PCDHGA10: variants seen among roughly 807,000 people sequenced by gnomAD.
PCDHGA10 encodes the protein protocadherin gamma subfamily A, 10, also known as protocadherin gamma-A10.
PCDHGA10 carries 42 observed loss-of-function variants against 59.5 expected under a neutral mutation model. That is an observed-to-expected ratio of 0.71 (90% CI 0.55 to 0.91). PCDHGA10 has a LOEUF of 0.91. Among genes scored for constraint, PCDHGA10 ranks in the 40% least tolerant of loss-of-function variants. The pLI, the probability that PCDHGA10 is intolerant of heterozygous loss-of-function variation, is 0.00. For missense variants in PCDHGA10, 1,111 were observed against 1,198.2 expected (o/e 0.93, Z 1.07); for synonymous variants, 511 against 517.2 (o/e 0.99, Z 0.16).
intron 1 of PCDHGA10, chr5:141,478,713 G>A (rs745990290): frequency 1.9e-6 from 3 of 1,546,642 alleles, no homozygotes; most frequent in African/African-American, 2.7e-5. Context: ...TTGTGAGATG[G>A]TGGCCTGCCA....
chr5:141,478,560 A>G, intron 1 of PCDHGA10: 1 of 1,598,736 alleles, frequency 6.3e-7, no homozygotes, highest in Non-Finnish European at 8.5e-7. Flanking sequence ...AGGTTTAGCA[A>G]GTCATGCTTG....
chr5:141,491,284 A>C lies in PCDHGA10; in HGVS notation c.2437-3523A>C. ...AATGCCCAAATCCAGTGACTTCCTC[A>C]TACACCCTCCTGAGCGTTCAGACCT... On this transcript the variant is annotated intron_variant, in intron 1 of 3. Transcript: ENST00000398610. The surrounding 1 kb of genome is among the most constrained non-coding windows in gnomAD (Gnocchi z 6.9). 1.2e-6 allele frequency: 2 copies of C among 1,614,128 alleles called. No homozygotes were observed. The highest frequency in any genetic ancestry group is 1.7e-6 in the Non-Finnish European group (2 of 1,179,978).
At chr5:141,484,873 G>A (rs754469397) in intron 1 of PCDHGA10, 50 of 322,006 alleles carry the variant, frequency 1.6e-4, no homozygotes, top group Non-Finnish European at 2.5e-4. Flanking sequence ...GAGCGTGGAG[G>A]ATAGGGTGGG....
intron 1 of PCDHGA10, among the ~76,000 whole-genome samples, chr5:141,481,676 G>A (rs975849679): frequency 3.3e-5 from 5 of 152,028 alleles, no homozygotes; most frequent in Admixed American, 1.3e-4. Flanking sequence ...AAATCAGGCC[G>A]GGCCTGGTGG....
At position 141,486,367 on chromosome 5, in the gene PCDHGA10, G is replaced by A; in HGVS notation, c.2437-8440G>A. On this transcript the variant is annotated intron_variant, in intron 1 of 3. Coordinates refer to ENST00000398610, the MANE Select transcript of PCDHGA10 (RefSeq NM_018913.3). This position sits in a 1 kb window ranked among gnomAD's most constrained non-coding sequence, Gnocchi z 5.0. Reference sequence around the variant, plus strand: ...CTGACCACTTGCCATTTGCCCTCAAGTCTGCCTTCAGGAACCAGTTCTCCC... The same window carrying A: ...CTGACCACTTGCCATTTGCCCTCAAATCTGCCTTCAGGAACCAGTTCTCCC... 1 of 1,614,148 alleles carries A rather than the reference G, an allele frequency of 6.2e-7. No individual in the cohort carries two copies. Among genetic ancestry groups the A allele is most frequent in the Non-Finnish European group, 8.5e-7 (1 of 1,180,022 alleles).
At chr5:141,505,347 T>C in intron 2 of PCDHGA10, 46 bp from the exon 3 acceptor site, 4 of 1,613,346 alleles carry the variant, frequency 2.5e-6, no homozygotes, top group Non-Finnish European at 2.5e-6. Context: ...GGGCATGAGC[T>C]GTGCCGGCCT....
chr5:141,474,608 T>G (rs1469173973), intron 1 of PCDHGA10, among the ~76,000 whole-genome samples: 1 of 152,268 alleles, frequency 6.6e-6, no homozygotes, highest in Non-Finnish European at 1.5e-5. Flanking sequence ...AGGTCACATA[T>G]GGCTTTTCAT....
In PCDHGA10 at chr5:141,413,430, C is replaced by T. The variant is rs745782366; in HGVS notation, c.255C>T (p.Ser85=). Reference sequence around the variant, plus strand: ...AGCTTTTCTCTCTGAACCCGCGCAGCGGCAGCTTGATCACCGCGGGCAGGA... The same window carrying T: ...AGCTTTTCTCTCTGAACCCGCGCAGTGGCAGCTTGATCACCGCGGGCAGGA... ...RTQLFSLNPR[S]GSLITAGRID... is the part of the protein sequence containing the mutation. The change falls in exon 1 of 4, where the codon AGC becomes AGT. Residue 85 remains serine (S), a synonymous_variant. Transcript: ENST00000398610. 6.2e-7 allele frequency: 1 copy of T among 1,614,078 alleles called. No individual in the cohort carries two copies. Among genetic ancestry groups the T allele is most frequent in the Admixed American group, 1.7e-5 (1 of 60,032 alleles).
At position 141,432,395 on chromosome 5, in the gene PCDHGA10, G is replaced by T. The variant is rs748660079; in HGVS notation, c.2436+16784G>T. On this transcript the variant is annotated intron_variant, in intron 1 of 3. Coordinates refer to ENST00000398610, the MANE Select transcript of PCDHGA10 (RefSeq NM_018913.3). This position sits in a 1 kb window ranked among gnomAD's most constrained non-coding sequence, Gnocchi z 6.0. ...CGGGCACCCGCCCCTCAGCAGCAAC[G>T]TGTCGTTGAGCCTGTTCGTGCTGGA... 5 of 1,614,242 alleles carry T rather than the reference G, an allele frequency of 3.1e-6. No individual in the cohort carries two copies. In the East Asian group the frequency reaches 8.9e-5, roughly 29 times the overall value.
At chr5:141,455,558 G>A (rs1261373189) in intron 1 of PCDHGA10, among the ~76,000 whole-genome samples, 1 of 152,142 alleles carries the variant, frequency 6.6e-6, no homozygotes, top group East Asian at 1.9e-4. Flanking sequence ...CCGAGAAAAA[G>A]CTGGCCCTCC....
At chr5:141,488,951 A>G (rs2099680664) in intron 1 of PCDHGA10, among the ~76,000 whole-genome samples, 1 of 152,118 alleles carries the variant, frequency 6.6e-6, no homozygotes, top group Admixed American at 6.5e-5. Flanking sequence ...ATTGGTTGAG[A>G]GCACACAGAC....
Position 141,414,439 on chromosome 5 carries a change from T to A in PCDHGA10, c.1264T>A (p.Tyr422Asn). The A allele has an allele frequency of 6.2e-7, 1 of 1,613,874 alleles. No homozygotes were observed. Among genetic ancestry groups the A allele is most frequent in the East Asian group, 2.2e-5 (1 of 44,880 alleles). Reference sequence around the variant, plus strand: ...CCTTGACAGGGAACAGGTATCCTCTTACAATATCACAGTGACAGCCACAGA... The same window carrying A: ...CCTTGACAGGGAACAGGTATCCTCTAACAATATCACAGTGACAGCCACAGA... ...RALDREQVSS[Y>N]NITVTATDGG... Residue 422 changes from tyrosine to asparagine, a missense_variant, in exon 1 of 4, where the codon TAC (tyrosine) becomes AAC (asparagine). By Grantham distance (143) the Tyr-to-Asn change is moderately radical. Transcript: ENST00000398610.
chr5:141,415,853 G>A, intron 1 of PCDHGA10: 1 of 1,186,350 alleles, frequency 8.4e-7, no homozygotes, highest in Non-Finnish European at 1.1e-6. Flanking sequence ...GCAGAACCTT[G>A]TAGTTTATAG....
intron 1 of PCDHGA10, chr5:141,422,576 CTCCCGTTTT>C: frequency 6.2e-7 from 1 of 1,614,034 alleles, no homozygotes; most frequent in African/African-American, 1.3e-5. Context: ...AACGATAACC[CTCCCGTTTT>C]TCCTCACTCC....
rs144317211 is a variant in PCDHGA10 at position 141,432,088 on chromosome 5, A to G, written c.2436+16477A>G. On this transcript the variant is annotated intron_variant, in intron 1 of 3. Transcript: ENST00000398610. This position sits in a 1 kb window ranked among gnomAD's most constrained non-coding sequence, Gnocchi z 6.0. Reference sequence around the variant, plus strand: ...AAACTCATATCTCGCTGAACGTGGCAGACACCAACGACAACCCGCCGGTCT... The same window carrying G: ...AAACTCATATCTCGCTGAACGTGGCGGACACCAACGACAACCCGCCGGTCT... The G allele has an allele frequency of 6.2e-7, 1 of 1,614,148 alleles. No individual in the cohort carries two copies. Among genetic ancestry groups the G allele is most frequent in the South Asian group, 1.1e-5 (1 of 91,074 alleles).
intron 1 of PCDHGA10, among the ~76,000 whole-genome samples, chr5:141,449,422 C>A (rs1041930577): frequency 4.0e-5 from 6 of 151,724 alleles, no homozygotes; most frequent in Non-Finnish European, 7.4e-5. Flanking sequence ...GCCTGGCCAA[C>A]ATGATAAAAC....
rs1297208780 is a variant in PCDHGA10 at position 141,486,613 on chromosome 5, T to C, written c.2437-8194T>C. 2 of 1,613,658 alleles carry C rather than the reference T, an allele frequency of 1.2e-6. No individual in the cohort carries two copies. The highest frequency in any genetic ancestry group is 2.7e-5 in the African/African-American group (2 of 75,074). On this transcript the variant is annotated intron_variant, in intron 1 of 3. Coordinates refer to ENST00000398610, the MANE Select transcript of PCDHGA10 (RefSeq NM_018913.3). The surrounding 1 kb of genome is among the most constrained non-coding windows in gnomAD (Gnocchi z 5.0). ...ACCTGCTTTGCTCCCTTGCAGCCTC[T>C]GACCCAGACTCTGGCTTGAATGCGC...
intron 1 of PCDHGA10, chr5:141,427,649 C>T (rs1283312654): frequency 1.4e-6 from 1 of 717,274 alleles, no homozygotes; most frequent in East Asian, 2.7e-5. Context: ...AAGTCTCCTA[C>T]GTGGTCCACG....
chr5:141,450,207 A>AAGG (rs1164364390), intron 1 of PCDHGA10, among the ~76,000 whole-genome samples: 13 of 151,832 alleles, frequency 8.6e-5, no homozygotes, highest in Non-Finnish European at 1.8e-4. Flanking sequence ...TAGTAGAGAC[A>AAGG]AGGTTTCACT....
Sources: allele counts gnomAD v4.1 joint callset (sites outside exome capture counted in the v4.1 genomes callset), GRCh38; gene constraint gnomAD v4.1.1; non-coding constraint Gnocchi (gnomAD v3.1); transcripts MANE v1.5; gene names NCBI Gene and HGNC (gene_info 2026-07-23, HGNC 2026-07-21).